Variants in TMEM129 observed in about 807,000 individuals in gnomAD.
TMEM129 encodes the protein transmembrane protein 129, E3 ubiquitin ligase.
TMEM129 carries 35 observed loss-of-function variants against 34.1 expected under a neutral mutation model. The ratio of observed to expected loss-of-function variants is 1.03; its 90% confidence interval spans 0.78 to 1.36. The LOEUF is 1.36. TMEM129 is among the 40% of genes most tolerant of loss of function. TMEM129 has a pLI of 0.00. For synonymous variants in TMEM129, 239 were observed against 217.3 expected (o/e 1.10, Z -0.88); for missense variants, 504 against 512.6 (o/e 0.98, Z 0.16).
rs1012714852 is a variant in TMEM129 at position 1,720,322 on chromosome 4, C to T, written c.205+311G>A. ...ACAGTTGCCTTCTCCTGGCCACTGC[C>T]CCCAACCACGACAAGCAAGGGCTGC... On this transcript the variant is annotated intron_variant, in intron 1 of 3. Coordinates refer to ENST00000382936, the MANE Select transcript of TMEM129 (RefSeq NM_001127266.2). This position sits in a 1 kb window ranked among gnomAD's most constrained non-coding sequence, Gnocchi z 4.4. 2.0e-5 allele frequency among the ~76,000 whole-genome samples: 3 copies of T among 152,280 alleles called. No homozygotes were observed. The highest frequency in any genetic ancestry group is 7.2e-5 in the African/African-American group (3 of 41,474).
In TMEM129 at chr4:1,718,344, C is replaced by A. The variant is rs751499765; in HGVS notation, c.488G>T (p.Arg163Leu). 2.2e-5 allele frequency: 36 copies of A among 1,613,422 alleles called. No homozygotes were observed. The highest frequency in any genetic ancestry group is 3.0e-5 in the Non-Finnish European group (35 of 1,179,890). Residue 163 changes from arginine to leucine, a missense_variant, in exon 2 of 4, where the codon CGT becomes CTT. Transcript: ENST00000382936. ...CACCCACGTGTCTGTCACAATCACA[C>A]GGGCACCTGGTGCACCGGTGGCAAA... ...DKFATGAPGA[R>L]VIVTDTWVMK...
Position 1,717,625 on chromosome 4 carries a change from A to C in TMEM129, c.731T>G (p.Ile244Ser). Residue 244 changes from isoleucine (I) to serine (S), a missense_variant, in exon 3 of 4, where the codon ATC becomes AGC. Physicochemically the swap from Ile to Ser is moderately radical, Grantham distance 142. Coordinates refer to ENST00000382936, the MANE Select transcript of TMEM129 (RefSeq NM_001127266.2). ...GATGACCACATGGGCTGCCCTGCGG[A>C]TGGGTGCCCGGAGCTTCTCGCAGAG... is the stretch of plus-strand genomic sequence containing the variant. ...GELCEKLRAP[I>S]RRAAHVVIHQ... The C allele has an allele frequency of 6.5e-7, 1 of 1,548,154 alleles. No individual in the cohort carries two copies. Among genetic ancestry groups the C allele is most frequent in the East Asian group, 2.4e-5 (1 of 40,906 alleles).
At chr4:1,719,621 G>A (rs2854916) in intron 1 of TMEM129, among the ~76,000 whole-genome samples, 48,049 of 152,240 alleles carry the variant, frequency 0.32, 8,729 homozygotes, top group East Asian at 0.69. Flanking sequence ...CGACTGTGAG[G>A]CCAGCTGTGC....
intron 1 of TMEM129, chr4:1,719,041 C>T (rs1460312251): frequency 4.7e-6 from 6 of 1,282,734 alleles, no homozygotes; most frequent in East Asian, 1.1e-4. Flanking sequence ...AAGTTATGTG[C>T]GAGAAAGGAA....
At position 1,718,504 on chromosome 4, in the gene TMEM129, G is replaced by C. The variant is rs1267503707; in HGVS notation, c.328C>G (p.Leu110Val). 2 of 1,536,932 alleles carry C rather than the reference G, an allele frequency of 1.3e-6. No individual in the cohort carries two copies. Among genetic ancestry groups the C allele is most frequent in the Non-Finnish European group, 1.8e-6 (2 of 1,136,672 alleles). ...AVTLPSIACI[L>V]IYYWSRDRWA... ...CGGTCACGGGACCAGTAGTAGATCA[G>C]GATGCAGGCGATGGAGGGGAGGGTC... The change falls in exon 2 of 4, where the codon CTG (leucine) becomes GTG (valine). Residue 110 changes from leucine (L) to valine (V), a missense_variant. Transcript: ENST00000382936.
At position 1,720,742 on chromosome 4, in the gene TMEM129, C is replaced by T. The variant is rs1413889131; in HGVS notation, c.96G>A (p.Thr32=). 5 of 1,575,958 alleles carry T rather than the reference C, an allele frequency of 3.2e-6. No homozygotes were observed. The South Asian group carries it at 3.5e-5, about 11-fold the overall frequency. ...GCCAGCCCGACAGCAGGTTCTGCAC[C>T]GTGAGCCCCGCCGCGTGGAACTCGT... ...TPNEFHAAGL[T]VQNLLSGWLG... The change falls in exon 1 of 4, where the codon ACG becomes ACA. Residue 32 remains threonine, a synonymous_variant. Transcript: ENST00000382936. The surrounding 1 kb of genome is among the most constrained non-coding windows in gnomAD (Gnocchi z 4.4).
rs904512736 is a variant in TMEM129 at position 1,717,214 on chromosome 4, C to A, written c.1055G>T (p.Arg352Leu). 1.4e-5 allele frequency: 21 copies of A among 1,486,888 alleles called. No individual in the cohort carries two copies. Among genetic ancestry groups the A allele is most frequent in the Middle Eastern group, 1.8e-4 (1 of 5,478 alleles). The allele number at this position is 1,486,888 out of a possible 1,614,324, so 92.1% of individuals were successfully genotyped here. Residue 352 changes from arginine to leucine, a missense_variant, in exon 4 of 4, where the codon CGC (arginine) becomes CTC (leucine). Transcript: ENST00000382936. The part of the protein sequence containing the change: ...SRVPCPTCRA[R>L]FCILDVCTVR Reference sequence around the variant, plus strand: ...GGTGCACACATCCAGGATGCAGAAGCGTGCGCGGCAGGTGGGGCAGGGCAC... The same window carrying A: ...GGTGCACACATCCAGGATGCAGAAGAGTGCGCGGCAGGTGGGGCAGGGCAC...
chr4:1,718,399 CAG>C lies in TMEM129; in HGVS notation c.431_432del (p.Ser144CysfsTer4), dbSNP rs1313316307. The C allele has an allele frequency of 6.2e-7, 1 of 1,607,182 alleles. No individual in the cohort carries two copies. The highest frequency in any genetic ancestry group is 8.5e-7 in the Non-Finnish European group (1 of 1,177,042). On this transcript the variant is annotated frameshift_variant, in exon 2 of 4. Coordinates refer to ENST00000382936, the MANE Select transcript of TMEM129 (RefSeq NM_001127266.2). LOFTEE classifies it high-confidence loss of function. ...TCAATCCGCCGGAACTCAGTGTTGA[CAG>C]AGGAGGCAACAGCCTGCCAGCCAGA... ...PQSGWQAVAS[S>X]VNTEFRRIDK... is the part of the protein sequence containing the mutation.
At position 1,716,189 on chromosome 4, in the gene TMEM129, T is replaced by C. The variant is rs1033912484; in HGVS notation, c.*991A>G. 12 of 152,300 alleles carry C rather than the reference T, an allele frequency of 7.9e-5. No homozygotes were observed. Among genetic ancestry groups the C allele is most frequent in the African/African-American group, 2.9e-4 (12 of 41,452 alleles). The allele number at this position is 152,300 out of a possible 1,614,324, so 9.4% of individuals were successfully genotyped here. On this transcript the variant is annotated 3_prime_UTR_variant, in exon 4 of 4. Transcript: ENST00000382936. ...CCAAGTGTCAGGCCCCCGGAGTCCA[T>C]CACCTCTGCCTCAAACAGCCAAGCC...
Position 1,721,193 on chromosome 4 carries a change from C to G in TMEM129, c.-356G>C, listed in dbSNP as rs942112851. ...GCCGGCCCTGGAGGCGGCACCGCAC[C>G]TGTGCATTGAGCACAGGTGGGGAAA... On this transcript the variant is annotated 5_prime_UTR_variant, in exon 1 of 4. Transcript: ENST00000382936. 2 of 185,942 alleles carry G rather than the reference C, an allele frequency of 1.1e-5. No individual in the cohort carries two copies. The highest frequency in any genetic ancestry group is 2.3e-5 in the African/African-American group (1 of 42,688). 11.5% of individuals were successfully genotyped at this position (185,942 alleles called of 1,614,324 possible). A position where few individuals can be genotyped will look rare whatever the true frequency, so the allele number is the denominator to read the frequency against.
Position 1,718,160 on chromosome 4 carries a change from A to G in TMEM129, c.672T>C (p.Phe224=). 1 of 1,557,712 alleles carries G rather than the reference A, an allele frequency of 6.4e-7. No homozygotes were observed. ...AGGCACCACACTCTTACCAGATGTC[A>G]AAGGCCTGCACAGCAGGGTTGGTGC... ...VASTNPAVQA[F]DIWLNSTEYG... The change falls in exon 2 of 4, where the codon TTT becomes TTC. Residue 224 remains phenylalanine, a synonymous_variant. Transcript: ENST00000382936.
chr4:1,720,483 G>T lies in TMEM129; in HGVS notation c.205+150C>A. 9.4e-7 allele frequency: 1 copy of T among 1,059,860 alleles called. No homozygotes were observed. Among genetic ancestry groups the T allele is most frequent in the Non-Finnish European group, 1.3e-6 (1 of 767,212 alleles). 65.7% of individuals were successfully genotyped at this position (1,059,860 alleles called of 1,614,324 possible). A position where few individuals can be genotyped will look rare whatever the true frequency, so the allele number is the denominator to read the frequency against. ...GCGCCCCTAAGCGCGCTCAGCCCAC[G>T]CCGCGGTCCCTCTGGATGAGGACCG... On this transcript the variant is annotated intron_variant, in intron 1 of 3. Transcript: ENST00000382936. The surrounding 1 kb of genome is among the most constrained non-coding windows in gnomAD (Gnocchi z 4.4).
chr4:1,716,950 G>GA lies in TMEM129; in HGVS notation c.*229dup. ...AGGAAAGGGGCAGGAGGGAGGCAAA[G>GA]AGGAGGTGCCCAGGACTTGTACCCT... On this transcript the variant is annotated 3_prime_UTR_variant, in exon 4 of 4. Transcript: ENST00000382936. 1 of 438,470 alleles carries GA rather than the reference G, an allele frequency of 2.3e-6. No individual in the cohort carries two copies. The highest frequency in any genetic ancestry group is 3.5e-5 in the East Asian group (1 of 28,274). The allele number at this position is 438,470 out of a possible 1,614,324, so 27.2% of individuals were successfully genotyped here.
Position 1,718,196 on chromosome 4 carries a change from G to C in TMEM129, c.636C>G (p.Ile212Met), listed in dbSNP as rs1279972443. ...CAGCAGGGTTGGTGCTGGCCACACG[G>C]ATGGTGAGGAGCTGCACGGGCAAGT... ...DSNLPVQLLTIRVASTNPAVQ... is the reference protein window; with the variant it reads ...DSNLPVQLLTMRVASTNPAVQ... Residue 212 changes from isoleucine (I) to methionine (M), a missense_variant, in exon 2 of 4, where the codon ATC becomes ATG. Coordinates refer to ENST00000382936, the MANE Select transcript of TMEM129 (RefSeq NM_001127266.2). The C allele has an allele frequency of 2.5e-6, 4 of 1,589,170 alleles. No individual in the cohort carries two copies. In the East Asian group the frequency reaches 9.2e-5, roughly 37 times the overall value.
chr4:1,718,338 A>G lies in TMEM129; in HGVS notation c.494T>C (p.Ile165Thr). 1 of 1,613,530 alleles carries G rather than the reference A, an allele frequency of 6.2e-7. No homozygotes were observed. The highest frequency in any genetic ancestry group is 8.5e-7 in the Non-Finnish European group (1 of 1,179,930). The change falls in exon 2 of 4, where the codon ATT (isoleucine) becomes ACT (threonine). Residue 165 changes from isoleucine to threonine, a missense_variant. Transcript: ENST00000382936. ...CTTCATCACCCACGTGTCTGTCACA[A>G]TCACACGGGCACCTGGTGCACCGGT... ...FATGAPGARV[I>T]VTDTWVMKVT... is the part of the protein sequence containing the mutation.
At position 1,717,364 on chromosome 4, in the gene TMEM129, T is replaced by C; in HGVS notation, c.905A>G (p.Gln302Arg). ...CTGGCACTCGCCTGTGGCTGCCTCC[T>C]GGCAGGTCTTCACCAGCTTCACGCT... ...RASVKLVKTC[Q>R]EAATGECQQC... The change falls in exon 4 of 4, where the codon CAG becomes CGG. Residue 302 changes from glutamine (Q) to arginine (R), a missense_variant. Coordinates refer to ENST00000382936, the MANE Select transcript of TMEM129 (RefSeq NM_001127266.2). The C allele has an allele frequency of 6.5e-7, 1 of 1,532,798 alleles. No individual in the cohort carries two copies. Among genetic ancestry groups the C allele is most frequent in the Non-Finnish European group, 8.8e-7 (1 of 1,132,822 alleles). 94.9% of individuals were successfully genotyped at this position (1,532,798 alleles called of 1,614,324 possible).
At position 1,718,257 on chromosome 4, in the gene TMEM129, G is replaced by C. The variant is rs143782761; in HGVS notation, c.575C>G (p.Thr192Arg). 1.5e-5 allele frequency: 24 copies of C among 1,610,330 alleles called. No individual in the cohort carries two copies. The highest frequency in any genetic ancestry group is 2.2e-5 in the East Asian group (1 of 44,772). ...CGAGAGCTCATGCTGCCGAGACTCC[G>C]TCACAGTCAGGTGCACGTCCTGCTG... ...AQQQDVHLTV[T>R]ESRQHELSPD... is the part of the protein sequence containing the mutation. Residue 192 changes from threonine (T) to arginine (R), a missense_variant, in exon 2 of 4, where the codon ACG (threonine) becomes AGG (arginine). Thr to Arg is a moderately conservative substitution (Grantham distance 71). Transcript: ENST00000382936.
intron 2 of TMEM129, 155 bp from the exon 3 acceptor site, chr4:1,717,830 C>A (rs1220198646): frequency 2.6e-6 from 3 of 1,138,688 alleles, no homozygotes; most frequent in Non-Finnish European, 2.4e-6. Flanking sequence ...CCAGACAGCC[C>A]AGCCTGGGCA....
chr4:1,717,886 A>C, intron 2 of TMEM129: 2 of 728,764 alleles, frequency 2.7e-6, no homozygotes, highest in Non-Finnish European at 4.4e-6. Context: ...TGAGGGCTGC[A>C]CTGTCCTGAG....
Sources: gnomAD v4.1 joint callset for allele counts (sites outside exome capture counted in the v4.1 genomes callset) on GRCh38, gnomAD v4.1.1 for gene constraint, Gnocchi (gnomAD v3.1) non-coding constraint, MANE v1.5 for transcripts, NCBI Gene and HGNC (gene_info 2026-07-23, HGNC 2026-07-21) for gene names.